The following SBNO2 variants were observed in gnomAD, a reference collection of about 807,000 sequenced individuals.
The protein encoded by SBNO2 is strawberry notch homolog 2, also known as protein strawberry notch homolog 2.
A neutral mutation model predicts 146.3 loss-of-function variants in SBNO2; 89 were observed. The observed-to-expected ratio is 0.61, with a 90% confidence interval of 0.51 to 0.73. The LOEUF (loss-of-function observed/expected upper bound fraction) is 0.73. SBNO2 is among the 30% of genes least tolerant of loss of function. The pLI, the probability that SBNO2 is intolerant of heterozygous loss-of-function variation, is 0.00. For synonymous variants in SBNO2, 1,147 were observed against 892.6 expected (o/e 1.29, Z -5.08); for missense variants, 2,092 against 2,003.7 (o/e 1.04, Z -0.84).
In SBNO2 at chr19:1,122,478, G is replaced by C; in HGVS notation, c.995C>G (p.Ala332Gly). The change falls in exon 10 of 32, where the codon GCG becomes GGG. Residue 332 changes from alanine to glycine, a missense_variant. By Grantham distance (60) the Ala-to-Gly change is moderately conservative. Transcript: ENST00000361757. The part of the protein sequence containing the change: ...DIEATGIAVH[A>G]LSKIKYGDTT... ...GAGCACAGCCCCTACCTTGCTGAGC[G>C]CGTGCACCGCGATGCCCGTGGCTTC... 1 of 1,572,056 alleles carries C rather than the reference G, an allele frequency of 6.4e-7. No individual in the cohort carries two copies. Among genetic ancestry groups the C allele is most frequent in the Non-Finnish European group, 8.6e-7 (1 of 1,160,882 alleles).
intron 1 of SBNO2, among the ~76,000 whole-genome samples, chr19:1,170,153 G>A (rs938943708): frequency 1.6e-4 from 24 of 152,268 alleles, no homozygotes; most frequent in Middle Eastern, 3.4e-3. Context: ...TCTAATCTCC[G>A]CCTCCTCACG....
intron 4 of SBNO2, among the ~76,000 whole-genome samples, chr19:1,135,053 A>T (rs1405712824): frequency 1.6e-5 from 2 of 127,594 alleles, no homozygotes; most frequent in African/African-American, 2.9e-5. Context: ...CTCAAAAAAA[A>T]AAAAAAAAAA....
Position 1,112,595 on chromosome 19 carries a change from G to A in SBNO2, c.2380-58C>T, listed in dbSNP as rs571671177. On this transcript the variant is annotated intron_variant, in intron 20 of 31. Coordinates refer to ENST00000361757, the MANE Select transcript of SBNO2 (RefSeq NM_014963.3). This position sits in a 1 kb window ranked among gnomAD's most constrained non-coding sequence, Gnocchi z 5.9. ...GTGCAAGGCCCGCCCCAGCGTTGCC[G>A]CCACCTCCTCACCCACTAGGCCCCC... is the stretch of plus-strand genomic sequence containing the variant. The A allele has an allele frequency of 5.5e-5, 83 of 1,514,864 alleles. No homozygotes were observed. The South Asian group carries it at 6.6e-4, about 12-fold the overall frequency. The allele number at this position is 1,514,864 out of a possible 1,614,324, so 93.8% of individuals were successfully genotyped here. A position where few individuals can be genotyped will look rare whatever the true frequency, so the allele number is the denominator to read the frequency against.
intron 14 of SBNO2, 126 bp from the exon 15 acceptor site, chr19:1,117,625 G>C: frequency 1.1e-6 from 1 of 938,088 alleles, no homozygotes; most frequent in Non-Finnish European, 1.6e-6. Flanking sequence ...GGCAGGATGG[G>C]GGTGCTGGGG....
intron 2 of SBNO2, among the ~76,000 whole-genome samples, chr19:1,152,064 C>T (rs1438660658): frequency 6.6e-6 from 1 of 152,186 alleles, no homozygotes; most frequent in African/African-American, 2.4e-5. Flanking sequence ...ATGACGTACC[C>T]GAATGTGACG....
chr19:1,116,373 A>G (rs1487441419), intron 16 of SBNO2, among the ~76,000 whole-genome samples: 1 of 107,992 alleles, frequency 9.3e-6, no homozygotes, highest in Non-Finnish European at 1.8e-5. Flanking sequence ...CTCCCAGGAC[A>G]GGGGCAGGGG....
rs1336203146 is a variant in SBNO2 at position 1,119,065 on chromosome 19, C to T, written c.1473G>A (p.Glu491=). ...CGAAGGCTGGGGCCAGCGGGATCTC[C>T]TCGATGCGGAAGGTGACGCCGGAGA... ...LSFSGVTFRI[E]EIPLAPAFEC... is the part of the protein sequence containing the mutation. The change falls in exon 14 of 32, where the codon GAG becomes GAA. Residue 491 remains glutamate (E), a synonymous_variant. Coordinates refer to ENST00000361757, the MANE Select transcript of SBNO2 (RefSeq NM_014963.3). 2 of 1,605,880 alleles carry T rather than the reference C, an allele frequency of 1.2e-6. No homozygotes were observed. The highest frequency in any genetic ancestry group is 1.7e-5 in the Admixed American group (1 of 59,328).
intron 4 of SBNO2, among the ~76,000 whole-genome samples, chr19:1,129,873 G>A (rs910423769): frequency 2.0e-5 from 3 of 152,176 alleles, no homozygotes; most frequent in African/African-American, 7.2e-5. Context: ...GTGGACAGAG[G>A]GAAGGGACCT....
Position 1,154,174 on chromosome 19 carries a change from T to C in SBNO2, c.93+10A>G. ...CCGTCGGGTGGGCCGGGGCCGGGGG[T>C]GGGGCTCACCTGCAGGGGCGGCGGG... On this transcript the variant is annotated intron_variant, in intron 2 of 31. Transcript: ENST00000361757. The C allele has an allele frequency of 8.7e-7, 1 of 1,155,422 alleles. No homozygotes were observed. Among genetic ancestry groups the C allele is most frequent in the Non-Finnish European group, 1.1e-6 (1 of 921,324 alleles). 71.6% of individuals were successfully genotyped at this position (1,155,422 alleles called of 1,614,324 possible).
Position 1,157,825 on chromosome 19 carries a change from G to T in SBNO2, c.-126-3423C>A, listed in dbSNP as rs191269440. ...CGCCTCCCAGCTCTCTCCTGAGTCC[G>T]GGTAACTGCGTCCGCCTCCCAGCTC... On this transcript the variant is annotated intron_variant, in intron 1 of 31. Coordinates refer to ENST00000361757, the MANE Select transcript of SBNO2 (RefSeq NM_014963.3). The surrounding 1 kb of genome is among the most constrained non-coding windows in gnomAD (Gnocchi z 6.8). 6.6e-6 allele frequency among the ~76,000 whole-genome samples: 1 copy of T among 151,652 alleles called. No individual in the cohort carries two copies. The highest frequency in any genetic ancestry group is 1.5e-5 in the Non-Finnish European group (1 of 67,924).
Position 1,108,360 on chromosome 19 carries a change from G to A in SBNO2, c.3961C>T (p.Arg1321Cys), listed in dbSNP as rs1568544418. The change falls in exon 32 of 32, where the codon CGC becomes TGC. Residue 1321 changes from arginine (R) to cysteine (C), a missense_variant. Transcript: ENST00000361757. ...GAGGGCGGCCCCGCGTGCAGCGAGCGCAGCATGTCCTCCAGCACCTCCTTG... is the reference window on the plus strand; with the variant it reads ...GAGGGCGGCCCCGCGTGCAGCGAGCACAGCATGTCCTCCAGCACCTCCTTG... ...NFKEVLEDML[R>C]SLHAGPPSEG... 1.5e-6 allele frequency: 2 copies of A among 1,294,938 alleles called. No homozygotes were observed. Among genetic ancestry groups the A allele is most frequent in the Non-Finnish European group, 9.8e-7 (1 of 1,016,244 alleles). 80.2% of individuals were successfully genotyped at this position (1,294,938 alleles called of 1,614,324 possible). A position where few individuals can be genotyped will look rare whatever the true frequency, so the allele number is the denominator to read the frequency against.
Position 1,112,382 on chromosome 19 carries a change from G to T in SBNO2, c.2515+20C>A, listed in dbSNP as rs781468820. On this transcript the variant is annotated intron_variant, in intron 21 of 31. Coordinates refer to ENST00000361757, the MANE Select transcript of SBNO2 (RefSeq NM_014963.3). This position sits in a 1 kb window ranked among gnomAD's most constrained non-coding sequence, Gnocchi z 5.9. Reference sequence around the variant, plus strand: ...GTTGGGGGCGGGGCCAGGCAGCGCTGGGGGCGGGGCCGGACTCACCGAACT... The same window carrying T: ...GTTGGGGGCGGGGCCAGGCAGCGCTTGGGGCGGGGCCGGACTCACCGAACT... The T allele has an allele frequency of 1.6e-5, 25 of 1,589,260 alleles. No homozygotes were observed. The South Asian group carries it at 2.7e-4, about 17-fold the overall frequency.
chr19:1,108,057 A>G lies in SBNO2; in HGVS notation c.*163T>C. 1.4e-6 allele frequency: 1 copy of G among 715,072 alleles called. No homozygotes were observed. Among genetic ancestry groups the G allele is most frequent in the Non-Finnish European group, 2.0e-6 (1 of 492,406 alleles). 44.3% of individuals were successfully genotyped at this position (715,072 alleles called of 1,614,324 possible). A position where few individuals can be genotyped will look rare whatever the true frequency, so the allele number is the denominator to read the frequency against. On this transcript the variant is annotated 3_prime_UTR_variant, in exon 32 of 32. Transcript: ENST00000361757. The stretch of plus-strand genomic sequence containing the variant: ...CCAGCTGTCCTGAGTGGGCCCCGCC[A>G]GGGCTGACCAGGTGGGGGCCCGGGT...
At chr19:1,123,478 G>A (rs375116396) in intron 7 of SBNO2, 56 bp downstream of exon 7, 17 of 1,469,260 alleles carry the variant, frequency 1.2e-5, no homozygotes, top group South Asian at 8.0e-5. Context: ...GCAGGGTCTC[G>A]GTCCCACAAA....
At position 1,154,425 on chromosome 19, in the gene SBNO2, C is replaced by G. The variant is rs577328509; in HGVS notation, c.-126-23G>C. The G allele has an allele frequency of 8.3e-4, 334 of 402,802 alleles. 1 individual carries two copies. The highest frequency in any genetic ancestry group is 6.6e-3 in the African/African-American group (319 of 48,470). The allele number at this position is 402,802 out of a possible 1,614,324, so 25.0% of individuals were successfully genotyped here. A position where few individuals can be genotyped will look rare whatever the true frequency, so the allele number is the denominator to read the frequency against. On this transcript the variant is annotated intron_variant, in intron 1 of 31. Coordinates refer to ENST00000361757, the MANE Select transcript of SBNO2 (RefSeq NM_014963.3). ...GATCTGCAGAGGGAGACGGGGACGT[C>G]CTGAGAGTCCAACGGTGGTGGAGAG...
intron 4 of SBNO2, among the ~76,000 whole-genome samples, chr19:1,133,574 T>C (rs1243113018): frequency 2.6e-5 from 4 of 152,114 alleles, no homozygotes; most frequent in African/African-American, 9.7e-5. Context: ...CCACGACCCA[T>C]CACCTCCTGG....
At position 1,108,556 on chromosome 19, in the gene SBNO2, C is replaced by T. The variant is rs2079704363; in HGVS notation, c.3765G>A (p.Glu1255=). The T allele has an allele frequency of 1.1e-5, 14 of 1,243,190 alleles. No individual in the cohort carries two copies. The highest frequency in any genetic ancestry group is 3.2e-4 in the Middle Eastern group (1 of 3,114). The allele number at this position is 1,243,190 out of a possible 1,614,324, so 77.0% of individuals were successfully genotyped here. ...GGGGGCTGTAGGTGAGGTCCAGCACCTCTCCGGGGCCGCAAGGCAGCGCCA... is the reference window on the plus strand; with the variant it reads ...GGGGGCTGTAGGTGAGGTCCAGCACTTCTCCGGGGCCGCAAGGCAGCGCCA... ...RPLALPCGPG[E]VLDLTYSPPA... is the part of the protein sequence containing the mutation. The change falls in exon 32 of 32, where the codon GAG becomes GAA. Residue 1255 remains glutamate (E), a synonymous_variant. Transcript: ENST00000361757.
chr19:1,110,925 G>A lies in SBNO2; in HGVS notation c.2885-37C>T. The A allele has an allele frequency of 6.2e-7, 1 of 1,611,512 alleles. No homozygotes were observed. The highest frequency in any genetic ancestry group is 8.5e-7 in the Non-Finnish European group (1 of 1,178,080). ...GGGAGCCAAGCCTCAGGCTGCGCTG[G>A]GAATCCCTCTCCCTGCTTTGCTCAC... On this transcript the variant is annotated intron_variant, in intron 25 of 31. Transcript: ENST00000361757. The surrounding 1 kb of genome is among the most constrained non-coding windows in gnomAD (Gnocchi z 4.9).
intron 4 of SBNO2, among the ~76,000 whole-genome samples, chr19:1,143,511 A>G (rs1286391203): frequency 1.3e-5 from 2 of 152,086 alleles, no homozygotes; most frequent in Non-Finnish European, 2.9e-5. Flanking sequence ...TGAAACACAC[A>G]CTTATCCTCT....
Sources: gnomAD v4.1 joint callset for allele counts (sites outside exome capture counted in the v4.1 genomes callset) on GRCh38, gnomAD v4.1.1 for gene constraint, Gnocchi (gnomAD v3.1) non-coding constraint, MANE v1.5 for transcripts, NCBI Gene and HGNC (gene_info 2026-07-23, HGNC 2026-07-21) for gene names.